MAPK10: variants seen among roughly 807,000 people sequenced by gnomAD.
MAPK10 encodes the protein mitogen-activated protein kinase 10, also known as JNK3 alpha protein kinase.
In MAPK10, 25 loss-of-function variants were observed where a neutral mutation model predicts 59.3. The observed-to-expected ratio is 0.42, with a 90% CI of 0.31 to 0.59. The LOEUF is 0.59. Ranked by LOEUF, MAPK10 falls within the 20% of genes least tolerant of loss-of-function variation. The probability of loss-of-function intolerance (pLI) is 0.15; values close to 1 mark genes in which losing one functional copy is unlikely to be tolerated. For missense variants in MAPK10, 351 were observed against 568.9 expected (o/e 0.62, Z 3.90); for synonymous variants, 190 against 200.5 (o/e 0.95, Z 0.44).
intron 9 of MAPK10, among the ~76,000 whole-genome samples, chr4:86,077,098 A>G (rs2049652196): frequency 6.6e-6 from 1 of 152,206 alleles, no homozygotes; most frequent in South Asian, 2.1e-4. Flanking sequence ...ACTACATAAA[A>G]GTAGAGTTAT....
intron 10 of MAPK10, among the ~76,000 whole-genome samples, chr4:86,066,510 C>T (rs1052480246): frequency 1.3e-5 from 2 of 150,868 alleles, no homozygotes; most frequent in Non-Finnish European, 3.0e-5. Context: ...CTGACACCTG[C>T]AATCCCAGCA....
At chr4:86,108,858 G>C (rs1322836701) in intron 4 of MAPK10, among the ~76,000 whole-genome samples, 1 of 152,118 alleles carries the variant, frequency 6.6e-6, no homozygotes, top group Non-Finnish European at 1.5e-5. Context: ...GCGTGGCCTA[G>C]AGTCAACACT....
At chr4:86,168,773 T>C (rs1413683147) in intron 3 of MAPK10, among the ~76,000 whole-genome samples, 2 of 152,188 alleles carry the variant, frequency 1.3e-5, no homozygotes, top group African/African-American at 2.4e-5. Flanking sequence ...AGTGGGTCCC[T>C]GACCCCTGAC....
intron 6 of MAPK10, 68 bp downstream of exon 6, chr4:86,103,118 G>GTGTGA (rs1561724813): frequency 1.8e-6 from 1 of 562,712 alleles, no homozygotes; most frequent in Non-Finnish European, 3.1e-6. Flanking sequence ...TGTGTGTGTG[G>GTGTGA]TGTGTGATTT....
chr4:86,309,448 A>T (rs12641387), intron 2 of MAPK10, among the ~76,000 whole-genome samples: 35,691 of 152,090 alleles, frequency 0.23, 4,922 homozygotes, highest in South Asian at 0.43. Flanking sequence ...CAAGGGCTAC[A>T]TTGCCTTCAG....
At chr4:86,410,936 C>T (rs1409464407) in intron 1 of MAPK10, among the ~76,000 whole-genome samples, 2 of 152,160 alleles carry the variant, frequency 1.3e-5, no homozygotes, top group Non-Finnish European at 2.9e-5. Flanking sequence ...TTCTTGCCTT[C>T]TGCTAGCTTT....
At chr4:86,574,977 T>A (rs1156694628) in intron 1 of MAPK10, among the ~76,000 whole-genome samples, 1 of 152,210 alleles carries the variant, frequency 6.6e-6, no homozygotes. Context: ...CATGTGTCTA[T>A]GAGGATGTAT....
intron 2 of MAPK10, among the ~76,000 whole-genome samples, chr4:86,320,679 A>G (rs1415560744): frequency 6.6e-6 from 1 of 152,164 alleles, no homozygotes; most frequent in Non-Finnish European, 1.5e-5. Context: ...CCATTTGTCA[A>G]TTTTGGCTTT....
At chr4:86,291,326 G>C (rs1393304381) in intron 2 of MAPK10, among the ~76,000 whole-genome samples, 2 of 152,164 alleles carry the variant, frequency 1.3e-5, no homozygotes, top group African/African-American at 4.8e-5. Flanking sequence ...CAGCACTTCA[G>C]AAGAGCAGCT....
At chr4:86,321,563 C>T (rs1408856113) in intron 2 of MAPK10, among the ~76,000 whole-genome samples, 2 of 126,246 alleles carry the variant, frequency 1.6e-5, no homozygotes, top group Non-Finnish European at 3.1e-5. Context: ...GGAAGGGGAA[C>T]ATCACACTCT....
intron 1 of MAPK10, among the ~76,000 whole-genome samples, chr4:86,523,586 A>G (rs1303321033): frequency 6.6e-6 from 1 of 152,208 alleles, no homozygotes; most frequent in Non-Finnish European, 1.5e-5. Flanking sequence ...TTACACTAAT[A>G]TATACACCAC....
rs536029337 is a variant in MAPK10 at position 86,459,631 on chromosome 4, G to C, written c.-262-104987C>G. On this transcript the variant is annotated intron_variant, in intron 1 of 4. Transcript: ENST00000502302. Reference sequence around the variant, plus strand: ...CATTCGCAGTGACCTGGATGAGATTGGAGACTATTATTCTAAATGAAGTAA... The same window carrying C: ...CATTCGCAGTGACCTGGATGAGATTCGAGACTATTATTCTAAATGAAGTAA... Among the ~76,000 whole-genome samples, 3 of 152,308 alleles carry C rather than the reference G, an allele frequency of 2.0e-5. No individual in the cohort carries two copies. The East Asian group carries it at 5.8e-4, about 29-fold the overall frequency.
chr4:86,170,402 G>A (rs1456019594), intron 3 of MAPK10, among the ~76,000 whole-genome samples: 8 of 152,022 alleles, frequency 5.3e-5, no homozygotes, highest in Non-Finnish European at 8.8e-5. Flanking sequence ...AAAGGCAGAG[G>A]TTACAATCCT....
intron 13 of MAPK10, among the ~76,000 whole-genome samples, chr4:86,019,830 G>T (rs1031787896): frequency 2.1e-4 from 32 of 152,140 alleles, no homozygotes; most frequent in African/African-American, 7.5e-4. Flanking sequence ...TTGTCTGCTG[G>T]ATGACATATC....
rs911478310 is a variant in MAPK10, at chr4:86,440,114, A to G, written c.-122+12916T>C. On this transcript the variant is annotated intron_variant, in intron 1 of 13. Coordinates refer to the MAPK10 transcript ENST00000361569. ...AACAGCACAGGCACTAAACAACCAG[A>G]GTAGACACAAGATATAGACTATATG... 4.6e-5 allele frequency among the ~76,000 whole-genome samples: 7 copies of G among 152,238 alleles called. No individual in the cohort carries two copies. The South Asian group carries it at 1.4e-3, about 31-fold the overall frequency.
At chr4:86,342,220 A>G (rs1163365191) in intron 2 of MAPK10, among the ~76,000 whole-genome samples, 1 of 152,186 alleles carries the variant, frequency 6.6e-6, no homozygotes, top group Non-Finnish European at 1.5e-5. Context: ...TGATAAAAAT[A>G]ATGAGATACA....
At chr4:86,293,467 G>C (rs2095279454) in intron 2 of MAPK10, among the ~76,000 whole-genome samples, 1 of 152,186 alleles carries the variant, frequency 6.6e-6, no homozygotes, top group South Asian at 2.1e-4. Context: ...AACAATACTA[G>C]TAACCCTGCT....
intron 2 of MAPK10, among the ~76,000 whole-genome samples, chr4:86,199,384 G>A (rs2082111792): frequency 6.6e-6 from 1 of 151,874 alleles, no homozygotes; most frequent in South Asian, 2.1e-4. Context: ...AGTGAAACAA[G>A]TATCAAATAT....
intron 3 of MAPK10, chr4:86,164,324 G>A (rs2149241977): frequency 6.6e-6 from 1 of 152,234 alleles, no homozygotes; most frequent in African/African-American, 2.4e-5. Flanking sequence ...AAGCAAGCTA[G>A]GAGATGACAG....
Sources: gnomAD v4.1 joint callset for allele counts (sites outside exome capture counted in the v4.1 genomes callset) on GRCh38, gnomAD v4.1.1 for gene constraint, MANE v1.5 for transcripts, NCBI Gene and HGNC (gene_info 2026-07-23, HGNC 2026-07-21) for gene names.